Variants in RFPL1 observed in about 807,000 individuals in gnomAD.
RFPL1 encodes ret finger protein like 1.
RFPL1 carries 6 observed loss-of-function variants against 9.6 expected under a neutral mutation model. That is an observed-to-expected ratio of 0.62 (90% confidence interval 0.34 to 1.23). The LOEUF is 1.23. RFPL1 is among the 50% of genes most tolerant of loss of function. The pLI, the probability that RFPL1 is intolerant of heterozygous loss-of-function variation, is 0.03. For synonymous variants in RFPL1, 145 were observed against 149.4 expected (o/e 0.97, Z 0.22); for missense variants, 352 against 398.4 (o/e 0.88, Z 0.99).
At chr22:29,432,004 A>T in the RFPL1 span, among the ~76,000 whole-genome samples, 3 of 152,130 alleles carry the variant, frequency 2.0e-5, no homozygotes, top group African/African-American at 7.2e-5. Context: ...AGTTCTTAAT[A>T]AGATAACTTA....
the RFPL1 span, among the ~76,000 whole-genome samples, chr22:29,392,326 C>T: frequency 2.7e-5 from 4 of 149,612 alleles, no homozygotes; most frequent in South Asian, 2.1e-4. Flanking sequence ...GTGATCCGCC[C>T]GCCTTGGCCT....
chr22:29,410,594 T>TATAG, the RFPL1 span, among the ~76,000 whole-genome samples: 1 of 131,556 alleles, frequency 7.6e-6, no homozygotes, highest in South Asian at 2.2e-4. Flanking sequence ...TATCTATATA[T>TATAG]AGATATATAT....
In RFPL1 at chr22:29,439,548, C is replaced by T. The variant is rs1259060041; in HGVS notation, c.373+384C>T. On this transcript the variant is annotated intron_variant, in intron 1 of 1. Transcript: ENST00000354373. ...CTTGGGGGTTGAGGCAGGAGAATGG[C>T]GTTAACCTGGGGGGGGCGGAGCTTG... 9 of 199,624 alleles carry T rather than the reference C, an allele frequency of 4.5e-5. No homozygotes were observed. The East Asian group carries it at 4.7e-4, about 10-fold the overall frequency. The allele number at this position is 199,624 out of a possible 1,614,324, so 12.4% of individuals were successfully genotyped here.
the RFPL1 span, among the ~76,000 whole-genome samples, chr22:29,427,652 G>A: frequency 6.6e-6 from 1 of 152,084 alleles, no homozygotes; most frequent in Non-Finnish European, 1.5e-5. Context: ...ACCATATCAA[G>A]CATCCTCCCT....
the RFPL1 span, among the ~76,000 whole-genome samples, chr22:29,427,335 G>A: frequency 6.6e-6 from 1 of 152,192 alleles, no homozygotes; most frequent in African/African-American, 2.4e-5. Context: ...CATGAGTGAG[G>A]GAGAAAGTAG....
At chr22:29,415,612 G>C in the RFPL1 span, among the ~76,000 whole-genome samples, 1 of 152,256 alleles carries the variant, frequency 6.6e-6, no homozygotes, top group Non-Finnish European at 1.5e-5. Flanking sequence ...AGCAGGATGA[G>C]CCACAGACAA....
chr22:29,410,579 A>ATATATATTGTAGATC, the RFPL1 span, among the ~76,000 whole-genome samples: 24 of 133,420 alleles, frequency 1.8e-4, no homozygotes, highest in Non-Finnish European at 3.0e-4. Context: ...TATTGTAGAT[A>ATATATATTGTAGATC]TATCTATCTA....
At position 29,441,818 on chromosome 22, in the gene RFPL1, CTG is replaced by C. The variant is rs2062841399; in HGVS notation, c.653_654del (p.Val218GlufsTer42). 3 of 1,613,962 alleles carry C rather than the reference CTG, an allele frequency of 1.9e-6. No homozygotes were observed. The highest frequency in any genetic ancestry group is 1.3e-5 in the African/African-American group (1 of 75,030). On this transcript the variant is annotated frameshift_variant, in exon 2 of 2. Coordinates refer to ENST00000354373, the Ensembl canonical transcript of RFPL1. LOFTEE classifies it low-confidence loss of function (END_TRUNC). ...CTGACCACAGAGCGTGGATTCTGGA[CTG>C]TGAGTTTGAGGGATGGAAGCCGCCT... is the stretch of plus-strand genomic sequence containing the variant.
chr22:29,407,757 T>A, the RFPL1 span, among the ~76,000 whole-genome samples: 1 of 152,246 alleles, frequency 6.6e-6, no homozygotes, highest in African/African-American at 2.4e-5. Flanking sequence ...ACAGATATTA[T>A]TAGTATACTG....
chr22:29,395,012 G>A, the RFPL1 span, among the ~76,000 whole-genome samples: 4 of 152,286 alleles, frequency 2.6e-5, no homozygotes, highest in South Asian at 8.3e-4. Flanking sequence ...CTGGCATTCT[G>A]TGACCCTCAG....
At chr22:29,388,202 G>A in the RFPL1 span, among the ~76,000 whole-genome samples, 1 of 152,136 alleles carries the variant, frequency 6.6e-6, no homozygotes, top group Non-Finnish European at 1.5e-5. Context: ...CCCAGGAGGT[G>A]CTGCGGGTAT....
At chr22:29,398,924 G>A in the RFPL1 span, among the ~76,000 whole-genome samples, 3 of 152,036 alleles carry the variant, frequency 2.0e-5, no homozygotes, top group Admixed American at 6.5e-5. Context: ...AAGATAGCAG[G>A]GATGGGCCAC....
chr22:29,391,324 G>A, the RFPL1 span, among the ~76,000 whole-genome samples: 5 of 152,038 alleles, frequency 3.3e-5, no homozygotes, highest in African/African-American at 1.2e-4. Context: ...CTCTTGCTAT[G>A]TCCTCACACG....
chr22:29,441,720 G>A (rs1569184663), exon 2 of RFPL1: 6 of 1,613,820 alleles, frequency 3.7e-6, no homozygotes, highest in African/African-American at 2.7e-5. Flanking sequence ...ACTGGGAGGT[G>A]GACGTGGGAA....
chr22:29,392,323 G>T, the RFPL1 span, among the ~76,000 whole-genome samples: 1 of 140,136 alleles, frequency 7.1e-6, no homozygotes, highest in Non-Finnish European at 1.5e-5. Flanking sequence ...CAGGTGATCC[G>T]CCCGCCTTGG....
chr22:29,434,094 C>G (rs895132843), upstream of RFPL1, among the ~76,000 whole-genome samples: 14 of 152,124 alleles, frequency 9.2e-5, no homozygotes, highest in Non-Finnish European at 1.5e-5. Context: ...TCAAGCGATC[C>G]TCCCACCTCA....
intron 1 of RFPL1, 169 bp from the exon 2 acceptor site, chr22:29,441,373 A>T (rs1311269362): frequency 2.8e-6 from 2 of 719,414 alleles, no homozygotes; most frequent in Admixed American, 3.0e-5. Flanking sequence ...AAGCATACCT[A>T]TGAGAATTTG....
At chr22:29,410,597 ATATATATAGATATATCTATC>A in the RFPL1 span, among the ~76,000 whole-genome samples, 1 of 98,490 alleles carries the variant, frequency 1.0e-5, no homozygotes, top group Non-Finnish European at 1.9e-5. Context: ...CTATATATAG[ATATATATAGATATATCTATC>A]TATATATAGA....
the RFPL1 span, among the ~76,000 whole-genome samples, chr22:29,409,498 C>A: frequency 2.6e-5 from 4 of 152,152 alleles, no homozygotes; most frequent in Non-Finnish European, 5.9e-5. Context: ...ACTCCAGCCC[C>A]GGTCCACATC....
Sources: gnomAD v4.1 joint callset for allele counts (sites outside exome capture counted in the v4.1 genomes callset) on GRCh38, gnomAD v4.1.1 for gene constraint, MANE v1.5 for transcripts, NCBI Gene and HGNC (gene_info 2026-07-23, HGNC 2026-07-21) for gene names.